The following NCS1 variants were observed in gnomAD, a reference collection of about 807,000 sequenced individuals.
The protein encoded by NCS1 is neuronal calcium sensor 1, also known as frequenin homolog.
NCS1 carries 6 observed loss-of-function variants against 28.4 expected under a neutral mutation model. That is an observed-to-expected ratio of 0.21 (90% CI 0.12 to 0.42). NCS1 has a LOEUF of 0.42. Ranked by LOEUF, NCS1 falls within the 10% of genes least tolerant of loss-of-function variation. The pLI, the probability that NCS1 is intolerant of heterozygous loss-of-function variation, is 1.00. For missense variants in NCS1, 131 were observed against 241.4 expected, an observed-to-expected ratio of 0.54 and a Z score of 3.03; for synonymous variants, 86 against 99.3, an observed-to-expected ratio of 0.87 and a Z score of 0.79.
intron 1 of NCS1, among the ~76,000 whole-genome samples, chr9:130,197,905 C>A (rs552243762): frequency 6.7e-6 from 1 of 148,928 alleles, no homozygotes; most frequent in Non-Finnish European, 1.5e-5. Context: ...GTGGAGGTTG[C>A]AGTGAGCCAA....
intron 7 of NCS1, among the ~76,000 whole-genome samples, chr9:130,231,197 A>T (rs1833497146): frequency 6.6e-6 from 1 of 151,796 alleles, no homozygotes; most frequent in African/African-American, 2.4e-5. Flanking sequence ...CCAAAAATAC[A>T]AAAATTAGCT....
intron 1 of NCS1, among the ~76,000 whole-genome samples, chr9:130,194,401 C>T (rs891556330): frequency 1.0e-5 from 1 of 99,776 alleles, no homozygotes; most frequent in African/African-American, 3.6e-5. Context: ...AGTCTGTGGG[C>T]GTGGGGGTGC....
At position 130,186,325 on chromosome 9, in the gene NCS1, TG is replaced by T. The variant is rs1832738078; in HGVS notation, c.64+13602del. The stretch of plus-strand genomic sequence containing the variant: ...CAATGGACTGGGAATCTCCCTGGTC[TG>T]GGGTGCATCTGGGAGGGCTTCCTGG... On this transcript the variant is annotated intron_variant, in intron 1 of 7. Coordinates refer to ENST00000372398, the MANE Select transcript of NCS1 (RefSeq NM_014286.4). The surrounding 1 kb of genome is among the most constrained non-coding windows in gnomAD (Gnocchi z 4.1). 6.6e-6 allele frequency among the ~76,000 whole-genome samples: 1 copy of T among 152,142 alleles called. No individual in the cohort carries two copies. The highest frequency in any genetic ancestry group is 1.5e-5 in the Non-Finnish European group (1 of 68,018).
chr9:130,218,595 AT>A (rs139366099), intron 3 of NCS1, among the ~76,000 whole-genome samples: 37,026 of 147,050 alleles, frequency 0.25, 4,763 homozygotes, highest in Admixed American at 0.33. Flanking sequence ...CTTTACATGG[AT>A]TTTTTTTTTT....
chr9:130,217,583 C>A (rs1415521906), intron 2 of NCS1, among the ~76,000 whole-genome samples: 7 of 152,158 alleles, frequency 4.6e-5, no homozygotes, highest in Admixed American at 4.6e-4. Flanking sequence ...TGGGTTAATT[C>A]CTATGTCAGT....
Position 130,180,103 on chromosome 9 carries a change from C to T in NCS1, c.64+7376C>T, listed in dbSNP as rs551806233. Reference sequence around the variant, plus strand: ...AGGCTAGAGTGCAGTGGCGCGATCTCGGCTCACTATAATCGCCACCTCCCG... The same window carrying T: ...AGGCTAGAGTGCAGTGGCGCGATCTTGGCTCACTATAATCGCCACCTCCCG... On this transcript the variant is annotated intron_variant, in intron 1 of 7. Coordinates refer to ENST00000372398, the MANE Select transcript of NCS1 (RefSeq NM_014286.4). This position sits in a 1 kb window ranked among gnomAD's most constrained non-coding sequence, Gnocchi z 4.5. 7.9e-5 allele frequency among the ~76,000 whole-genome samples: 12 copies of T among 152,218 alleles called. No individual in the cohort carries two copies. The highest frequency in any genetic ancestry group is 1.2e-4 in the Non-Finnish European group (8 of 68,026).
chr9:130,173,688 G>A lies in NCS1; in HGVS notation c.64+961G>A, dbSNP rs150658501. The stretch of plus-strand genomic sequence containing the variant: ...GGACAGTGGTTCTGGGCTTGGGTTG[G>A]AATTCAGAACCCATCCCCGGGCAGC... On this transcript the variant is annotated intron_variant, in intron 1 of 7. Transcript: ENST00000372398. Among the ~76,000 whole-genome samples, 655 of 152,274 alleles carry A rather than the reference G, an allele frequency of 4.3e-3. 3 individuals are homozygous for A. Among genetic ancestry groups the A allele is most frequent in the African/African-American group, 0.015 (632 of 41,552 alleles).
intron 6 of NCS1, among the ~76,000 whole-genome samples, chr9:130,224,885 T>A (rs2131158589): frequency 6.6e-6 from 1 of 152,334 alleles, no homozygotes; most frequent in African/African-American, 2.4e-5. Flanking sequence ...AGGTGTTACG[T>A]GCCTTCAGCA....
At position 130,181,857 on chromosome 9, in the gene NCS1, C is replaced by T. The variant is rs1832663353; in HGVS notation, c.64+9130C>T. Reference sequence around the variant, plus strand: ...GTGTCAGGAGTGGGTGAGCCGGGCACTCCTGTGCGCACGCGTGTGGTGGTG... The same window carrying T: ...GTGTCAGGAGTGGGTGAGCCGGGCATTCCTGTGCGCACGCGTGTGGTGGTG... On this transcript the variant is annotated intron_variant, in intron 1 of 7. Transcript: ENST00000372398. The surrounding 1 kb of genome is among the most constrained non-coding windows in gnomAD (Gnocchi z 5.0). 6.6e-6 allele frequency among the ~76,000 whole-genome samples: 1 copy of T among 152,010 alleles called. No homozygotes were observed.
At position 130,232,881 on chromosome 9, in the gene NCS1, A is replaced by G. The variant is rs7852859; in HGVS notation, c.*18-109A>G. The G allele has an allele frequency of 0.13, 20,105 of 152,580 alleles. 1,441 individuals are homozygous for G. The highest frequency in any genetic ancestry group is 0.18 in the Admixed American group (2,825 of 15,298). The allele number at this position is 152,580 out of a possible 1,614,324, so 9.5% of individuals were successfully genotyped here. On this transcript the variant is annotated intron_variant, in intron 7 of 7. Transcript: ENST00000372398. This position sits in a 1 kb window ranked among gnomAD's most constrained non-coding sequence, Gnocchi z 4.4. ...TTCTGACATAGAATGCCAGCTTGCC[A>G]TCTATCGACCTTCCTGCCAGCTCTC...
chr9:130,197,844 T>C (rs1412895851), intron 1 of NCS1, among the ~76,000 whole-genome samples: 2 of 152,028 alleles, frequency 1.3e-5, no homozygotes, highest in East Asian at 3.9e-4. Context: ...ATGCCTGTAG[T>C]TCCAGCTACT....
At chr9:130,211,469 T>G (rs1350723030) in intron 2 of NCS1, among the ~76,000 whole-genome samples, 1 of 151,662 alleles carries the variant, frequency 6.6e-6, no homozygotes, top group Non-Finnish European at 1.5e-5. Flanking sequence ...TCCTCCACCC[T>G]GGCCTGGCCT....
intron 2 of NCS1, among the ~76,000 whole-genome samples, chr9:130,206,549 C>T (rs1376106265): frequency 2.0e-5 from 3 of 152,020 alleles, no homozygotes; most frequent in African/African-American, 7.2e-5. Context: ...GTTGGGATTA[C>T]AGGCCCCTGC....
chr9:130,176,514 A>G, intron 1 of NCS1, among the ~76,000 whole-genome samples: 1 of 152,058 alleles, frequency 6.6e-6, no homozygotes. Context: ...TATCATTTTG[A>G]CCATACAATA....
chr9:130,200,913 CA>C, intron 1 of NCS1, 44 bp from the exon 2 acceptor site: 6 of 1,613,766 alleles, frequency 3.7e-6, no homozygotes, highest in Non-Finnish European at 5.1e-6. Flanking sequence ...TCTCCCGGGA[CA>C]CCTTCCCTGA....
In NCS1 at chr9:130,215,996, C is replaced by T. The variant is rs1833178407; in HGVS notation, c.90-1836C>T. Among the ~76,000 whole-genome samples, 1 of 152,172 alleles carries T rather than the reference C, an allele frequency of 6.6e-6. No individual in the cohort carries two copies. Among genetic ancestry groups the T allele is most frequent in the African/African-American group, 2.4e-5 (1 of 41,446 alleles). The stretch of plus-strand genomic sequence containing the variant: ...CCGGCAGCAGCAGCCACAGTACTGG[C>T]AGGAGGCTGGGTGCCTGAGCTTCAC... On this transcript the variant is annotated intron_variant, in intron 2 of 7. Coordinates refer to ENST00000372398, the MANE Select transcript of NCS1 (RefSeq NM_014286.4). This position sits in a 1 kb window ranked among gnomAD's most constrained non-coding sequence, Gnocchi z 4.2.
chr9:130,200,435 C>T (rs1198818216), intron 1 of NCS1: 1 of 759,088 alleles, frequency 1.3e-6, no homozygotes, highest in Non-Finnish European at 2.2e-6. Context: ...CCGGGCTGAC[C>T]ACAGAGAGGG....
At position 130,209,479 on chromosome 9, in the gene NCS1, T is replaced by C. The variant is rs1392524083; in HGVS notation, c.90-8353T>C. Among the ~76,000 whole-genome samples the C allele has an allele frequency of 6.6e-6, 1 of 152,202 alleles. No individual in the cohort carries two copies. The highest frequency in any genetic ancestry group is 1.5e-5 in the Non-Finnish European group (1 of 68,048). On this transcript the variant is annotated intron_variant, in intron 2 of 7. Coordinates refer to ENST00000372398, the MANE Select transcript of NCS1 (RefSeq NM_014286.4). This position sits in a 1 kb window ranked among gnomAD's most constrained non-coding sequence, Gnocchi z 4.4. Reference sequence around the variant, plus strand: ...CTGGGAGCATTCAATCATTGGTTCATTTGTTCACTGATTCATTCAGTACAT... The same window carrying C: ...CTGGGAGCATTCAATCATTGGTTCACTTGTTCACTGATTCATTCAGTACAT...
In NCS1 at chr9:130,200,726, C is replaced by T; in HGVS notation, c.65-232C>T. ...GCGGCAGTGGCAGTGGCAGGTAGCA[C>T]TTGGGCACCGGGAAGGGGTGGGGCC... On this transcript the variant is annotated intron_variant, in intron 1 of 7. Transcript: ENST00000372398. 4 of 1,490,818 alleles carry T rather than the reference C, an allele frequency of 2.7e-6. No individual in the cohort carries two copies. The South Asian group carries it at 3.6e-5, about 13-fold the overall frequency. 92.3% of individuals were successfully genotyped at this position (1,490,818 alleles called of 1,614,324 possible).
Sources: allele counts gnomAD v4.1 joint callset (sites outside exome capture counted in the v4.1 genomes callset), GRCh38; gene constraint gnomAD v4.1.1; non-coding constraint Gnocchi (gnomAD v3.1); transcripts MANE v1.5; gene names NCBI Gene and HGNC (gene_info 2026-07-23, HGNC 2026-07-21).